The following TTC7B variants were observed in gnomAD, a reference collection of about 807,000 sequenced individuals.
TTC7B encodes the protein tetratricopeptide repeat domain 7B.
TTC7B carries 28 observed loss-of-function variants against 106.8 expected under a neutral mutation model. That is an observed-to-expected ratio of 0.26 (90% CI 0.19 to 0.36). The LOEUF (loss-of-function observed/expected upper bound fraction) is 0.36, where lower values mean the gene tolerates loss of function less well. Ranked by LOEUF, TTC7B falls within the 10% of genes least tolerant of loss-of-function variation. The pLI, the probability that TTC7B is intolerant of heterozygous loss-of-function variation, is 1.00. For missense variants in TTC7B, 862 were observed against 1,076.4 expected (o/e 0.80, Z 2.79); for synonymous variants, 405 against 430.6 (o/e 0.94, Z 0.74).
intron 19 of TTC7B, among the ~76,000 whole-genome samples, chr14:90,559,993 T>G (rs1357401243): frequency 3.9e-5 from 6 of 152,176 alleles, no homozygotes; most frequent in African/African-American, 1.4e-4. Flanking sequence ...TTGGCCCCTG[T>G]CCCTCTGGAA....
chr14:90,770,289 CATTGA>C (rs1736866728), intron 3 of TTC7B, among the ~76,000 whole-genome samples: 1 of 152,194 alleles, frequency 6.6e-6, no homozygotes, highest in Non-Finnish European at 1.5e-5. Context: ...AAAATTCACA[CATTGA>C]ATTGAAGGGA....
chr14:90,590,976 G>A (rs1305832354), intron 18 of TTC7B, among the ~76,000 whole-genome samples: 1 of 152,204 alleles, frequency 6.6e-6, no homozygotes, highest in Non-Finnish European at 1.5e-5. Context: ...CTAGGAAGGA[G>A]AACTTGACTC....
chr14:90,744,309 C>A (rs1298929538), intron 4 of TTC7B, among the ~76,000 whole-genome samples: 1 of 152,042 alleles, frequency 6.6e-6, no homozygotes, highest in Non-Finnish European at 1.5e-5. Context: ...ATTTTTCTTT[C>A]TTTCTTTCTT....
intron 3 of TTC7B, among the ~76,000 whole-genome samples, chr14:90,745,313 A>AAG (rs1555395558): frequency 2.4e-4 from 33 of 136,058 alleles, no homozygotes; most frequent in African/African-American, 5.8e-4. Context: ...AAAAAAAAAA[A>AAG]AAGAAGAAGA....
intron 9 of TTC7B, among the ~76,000 whole-genome samples, chr14:90,671,876 C>T (rs1388455683): frequency 1.3e-5 from 2 of 152,216 alleles, no homozygotes; most frequent in Non-Finnish European, 2.9e-5. Context: ...AGCCTTCCAT[C>T]TTGAATAAGC....
chr14:90,652,293 C>T (rs764489640), intron 13 of TTC7B, among the ~76,000 whole-genome samples: 1 of 151,432 alleles, frequency 6.6e-6, no homozygotes, highest in Non-Finnish European at 1.5e-5. Context: ...CTGTGACACT[C>T]GAGCATTTTA....
intron 12 of TTC7B, among the ~76,000 whole-genome samples, 178 bp from the exon 13 acceptor site, chr14:90,653,076 C>G (rs558466585): frequency 1.3e-5 from 2 of 152,348 alleles, no homozygotes; most frequent in South Asian, 2.1e-4. Flanking sequence ...AGTCCTACCC[C>G]CAAGGTGCCT....
rs372930195 is a variant in TTC7B, at chr14:90,644,122, C to G, written c.1677G>C (p.Leu559=). The part of the protein sequence containing the change: ...ANSLHLLALL[L]SAQKHYHDAL... Reference sequence around the variant, plus strand: ...CGTCATGGTAATGCTTCTGTGCTGACAGCAGGAGGGCAAGGAGGTGCAGGG... The same window carrying G: ...CGTCATGGTAATGCTTCTGTGCTGAGAGCAGGAGGGCAAGGAGGTGCAGGG... The change falls in exon 15 of 20, where the codon CTG becomes CTC. Residue 559 remains leucine, a synonymous_variant. Transcript: ENST00000328459. 3 of 1,614,104 alleles carry G rather than the reference C, an allele frequency of 1.9e-6. No individual in the cohort carries two copies.
chr14:90,654,977 G>T lies in TTC7B; in HGVS notation c.1459+16C>A. The stretch of plus-strand genomic sequence containing the variant: ...GCCCTGCAGCTCAGCAGCTGTGGGG[G>T]TGGGACGTCTCTCACCGTCAGTGGC... On this transcript the variant is annotated intron_variant, in intron 12 of 19. Transcript: ENST00000328459. 1 of 1,581,610 alleles carries T rather than the reference G, an allele frequency of 6.3e-7. No individual in the cohort carries two copies. Among genetic ancestry groups the T allele is most frequent in the African/African-American group, 1.3e-5 (1 of 74,392 alleles).
At chr14:90,793,355 C>G (rs1891652607) in intron 1 of TTC7B, among the ~76,000 whole-genome samples, 1 of 151,958 alleles carries the variant, frequency 6.6e-6, no homozygotes, top group African/African-American at 2.4e-5. Flanking sequence ...AAAACCCCGT[C>G]TCTACTAAAA....
chr14:90,652,818 T>C (rs1490223165), intron 13 of TTC7B, 23 bp downstream of exon 13: 1 of 1,613,704 alleles, frequency 6.2e-7, no homozygotes, highest in Admixed American at 1.7e-5. Context: ...TACAGCCGAG[T>C]GAAAAGATGA....
chr14:90,615,412 G>C (rs746195170), intron 16 of TTC7B, among the ~76,000 whole-genome samples: 8 of 152,232 alleles, frequency 5.3e-5, no homozygotes, highest in Non-Finnish European at 1.0e-4. Context: ...TCAGAAGCAA[G>C]GAAGCCGGGA....
rs1376576033 is a variant in TTC7B at position 90,816,123 on chromosome 14, C to T, written c.121+52G>A. ...CGGCCGCGCCTCGGGGGCCCGTTCCCGCGGAGGCCGCGGCGCCCCCCGCAG... is the reference window on the plus strand; with the variant it reads ...CGGCCGCGCCTCGGGGGCCCGTTCCTGCGGAGGCCGCGGCGCCCCCCGCAG... On this transcript the variant is annotated intron_variant, in intron 1 of 19. Coordinates refer to ENST00000328459, the MANE Select transcript of TTC7B (RefSeq NM_001010854.2). 4 of 1,036,262 alleles carry T rather than the reference C, an allele frequency of 3.9e-6. No homozygotes were observed. The South Asian group carries it at 1.2e-4, about 31-fold the overall frequency. The allele number at this position is 1,036,262 out of a possible 1,614,324, so 64.2% of individuals were successfully genotyped here. A position where few individuals can be genotyped will look rare whatever the true frequency, so the allele number is the denominator to read the frequency against.
At chr14:90,622,106 C>T (rs1884231221) in intron 15 of TTC7B, among the ~76,000 whole-genome samples, 1 of 147,770 alleles carries the variant, frequency 6.8e-6, no homozygotes, top group Non-Finnish European at 1.5e-5. Flanking sequence ...ACACAAAGTT[C>T]ATGATTCTAA....
chr14:90,541,889 C>A (rs1028646729), intron 19 of TTC7B, among the ~76,000 whole-genome samples: 7 of 152,252 alleles, frequency 4.6e-5, no homozygotes, highest in Non-Finnish European at 7.3e-5. Flanking sequence ...AGTCCGCAGT[C>A]TGCACTGACC....
intron 18 of TTC7B, among the ~76,000 whole-genome samples, chr14:90,582,986 G>T (rs958468182): frequency 1.3e-5 from 2 of 152,208 alleles, no homozygotes; most frequent in Non-Finnish European, 2.9e-5. Flanking sequence ...TAGGCATGTG[G>T]CTGGGCCTCT....
intron 4 of TTC7B, among the ~76,000 whole-genome samples, chr14:90,736,013 C>A (rs1889508519): frequency 6.6e-6 from 1 of 151,756 alleles, no homozygotes; most frequent in Non-Finnish European, 1.5e-5. Flanking sequence ...CATGTTGGTA[C>A]AACACAATTA....
chr14:90,587,417 A>C (rs1891761213), intron 18 of TTC7B, among the ~76,000 whole-genome samples: 1 of 152,132 alleles, frequency 6.6e-6, no homozygotes, highest in Non-Finnish European at 1.5e-5. Flanking sequence ...CTCAGGGTTC[A>C]TGCCCCAGGG....
At chr14:90,797,812 G>A (rs1000594894) in intron 1 of TTC7B, among the ~76,000 whole-genome samples, 1 of 152,144 alleles carries the variant, frequency 6.6e-6, no homozygotes, top group African/African-American at 2.4e-5. Context: ...AAAGATACGA[G>A]ACAACCTATA....
Sources: gnomAD v4.1 joint callset for allele counts (sites outside exome capture counted in the v4.1 genomes callset) on GRCh38, gnomAD v4.1.1 for gene constraint, MANE v1.5 for transcripts, NCBI Gene and HGNC (gene_info 2026-07-23, HGNC 2026-07-21) for gene names.